The following CLPB variants were observed in gnomAD, a reference collection of about 807,000 sequenced individuals.
The protein encoded by CLPB is mitochondrial disaggregase.
In CLPB, 40 loss-of-function variants were observed where a neutral mutation model predicts 78.4. That is an observed-to-expected ratio of 0.51 (90% confidence interval 0.40 to 0.66). The LOEUF (loss-of-function observed/expected upper bound fraction) is 0.66. CLPB is among the 30% of genes least tolerant of loss of function. The probability of loss-of-function intolerance (pLI) is 0.00; values close to 1 mark genes in which losing one functional copy is unlikely to be tolerated. For synonymous variants in CLPB, 333 were observed against 348.0 expected (o/e 0.96, Z 0.48); for missense variants, 780 against 886.9 (o/e 0.88, Z 1.53).
intron 5 of CLPB, chr11:72,352,723 T>G (rs1415022735): frequency 6.6e-6 from 1 of 152,254 alleles, no homozygotes; most frequent in African/African-American, 2.4e-5. Context: ...TGTGAGTTAC[T>G]TAAGTGCAAA....
chr11:72,297,702 T>TGTGTGTGA lies in CLPB; in HGVS notation c.1330-2055_1330-2054insTCACACAC, dbSNP rs1464583884. 2.3e-3 allele frequency among the ~76,000 whole-genome samples: 295 copies of TGTGTGTGA among 129,746 alleles called. 26 individuals are homozygous for TGTGTGTGA. The highest frequency in any genetic ancestry group is 4.9e-3 in the East Asian group (21 of 4,266). The allele number at this position is 129,746 out of a possible 152,430, so 85.1% of individuals were successfully genotyped here. ...GTGTGTGTGTGTGTGTGTGTGTGTG[T>TGTGTGTGA]GACATGTCCAAGCATGTGCATATGA... On this transcript the variant is annotated intron_variant, in intron 11 of 15. Coordinates refer to ENST00000538039, the MANE Select transcript of CLPB (RefSeq NM_001258392.3).
intron 11 of CLPB, among the ~76,000 whole-genome samples, chr11:72,301,032 T>C (rs1228074543): frequency 6.6e-6 from 1 of 152,220 alleles, no homozygotes; most frequent in Non-Finnish European, 1.5e-5. Flanking sequence ...GCATGTCTTT[T>C]ATAACCTCTC....
Position 72,294,434 on chromosome 11 carries a change from C to T in CLPB, c.1571G>A (p.Arg524Gln), listed in dbSNP as rs576652298. The change falls in exon 14 of 16, where the codon CGG becomes CAG. Residue 524 changes from arginine (R) to glutamine (Q), a missense_variant. Physicochemically the swap from Arg to Gln is conservative, Grantham distance 43. Transcript: ENST00000538039. ...VIRPILKAHF[R>Q]RDEFLGRINE... ...GATCCGTCCCAGAAACTCATCCCTC[C>T]GGAAGTGAGCCTGAAGGGCCAGGTT... The T allele has an allele frequency of 2.7e-4, 430 of 1,614,148 alleles. 4 individuals are homozygous for T. In the South Asian group the frequency reaches 3.8e-3, roughly 14 times the overall value.
rs1042741470 is a variant in CLPB at position 72,317,140 on chromosome 11, A to G, written c.954T>C (p.Ile318=). 3 of 1,612,224 alleles carry G rather than the reference A, an allele frequency of 1.9e-6. No individual in the cohort carries two copies. The change falls in exon 7 of 16, where the codon ATT becomes ATC. Residue 318 remains isoleucine, a synonymous_variant. Coordinates refer to ENST00000538039, the MANE Select transcript of CLPB (RefSeq NM_001258392.3). The part of the protein sequence containing the change: ...PLEQRLKEHI[I]GQESAIATVG... ...CTGTGGCGATGGCGCTCTCCTGGCCAATGATGTGCTCCTTTAGTCGCTGCT... is the reference window on the plus strand; with the variant it reads ...CTGTGGCGATGGCGCTCTCCTGGCCGATGATGTGCTCCTTTAGTCGCTGCT...
At chr11:72,373,252 A>G (rs974240970) in intron 4 of CLPB, among the ~76,000 whole-genome samples, 2 of 152,188 alleles carry the variant, frequency 1.3e-5, no homozygotes, top group African/African-American at 2.4e-5. Context: ...TATTGTTTTA[A>G]TTGTACATAT....
intron 2 of CLPB, among the ~76,000 whole-genome samples, chr11:72,423,084 T>C (rs1856258968): frequency 6.6e-6 from 1 of 152,230 alleles, no homozygotes; most frequent in South Asian, 2.1e-4. Context: ...TGGGCTAGTA[T>C]GAAGTTCTTT....
chr11:72,329,484 C>A (rs1950184071), intron 6 of CLPB, among the ~76,000 whole-genome samples: 1 of 152,164 alleles, frequency 6.6e-6, no homozygotes, highest in South Asian at 2.1e-4. Flanking sequence ...GCTCCCTGGT[C>A]ATGATAGGGG....
At chr11:72,341,105 C>A (rs61893849) in intron 5 of CLPB, among the ~76,000 whole-genome samples, 3 of 152,190 alleles carry the variant, frequency 2.0e-5, no homozygotes, top group Admixed American at 6.5e-5. Context: ...CAGGCGTGAG[C>A]CACCGCGCCT....
rs907551428 is a variant in CLPB, at chr11:72,302,233, T to C, written c.1167+71A>G. On this transcript the variant is annotated intron_variant, in intron 10 of 15. Transcript: ENST00000538039. ...CTGCTGGAATTATCTGAGGCCCAAA[T>C]GACAAGACCCCGGCAGTCATGCTGA... The C allele has an allele frequency of 1.1e-5, 16 of 1,502,326 alleles. No individual in the cohort carries two copies. The Admixed American group carries it at 1.2e-4, about 11-fold the overall frequency. The allele number at this position is 1,502,326 out of a possible 1,614,324, so 93.1% of individuals were successfully genotyped here.
At chr11:72,413,087 G>A (rs897380064) in intron 2 of CLPB, among the ~76,000 whole-genome samples, 2 of 152,004 alleles carry the variant, frequency 1.3e-5, no homozygotes, top group Admixed American at 6.5e-5. Context: ...TCGGGAGTTC[G>A]AGACCAGCCT....
chr11:72,294,104 G>A lies in CLPB; in HGVS notation c.1703C>T (p.Thr568Met), dbSNP rs755613972. 18 of 1,614,150 alleles carry A rather than the reference G, an allele frequency of 1.1e-5. No homozygotes were observed. Among genetic ancestry groups the A allele is most frequent in the South Asian group, 5.5e-5 (5 of 91,070 alleles). The change falls in exon 15 of 16, where the codon ACG (threonine) becomes ATG (methionine). Residue 568 changes from threonine to methionine, a missense_variant. Coordinates refer to ENST00000538039, the MANE Select transcript of CLPB (RefSeq NM_001258392.3). ...AKRAKQRHNI[T>M]LLWDREVADV... is the part of the protein sequence containing the mutation. ...TGCCACCTCGCGGTCCCAGAGCAGC[G>A]TGATGTTGTGCCTTTGCTTGGCCTG...
At chr11:72,356,541 G>A (rs1318584705) in intron 5 of CLPB, among the ~76,000 whole-genome samples, 1 of 152,176 alleles carries the variant, frequency 6.6e-6, no homozygotes, top group East Asian at 1.9e-4. Flanking sequence ...TCAGGGTTGG[G>A]AGGGAGAAAT....
At position 72,294,604 on chromosome 11, in the gene CLPB, A is replaced by G; in HGVS notation, c.1560+16T>C. 2 of 1,613,486 alleles carry G rather than the reference A, an allele frequency of 1.2e-6. No individual in the cohort carries two copies. Among genetic ancestry groups the G allele is most frequent in the Non-Finnish European group, 1.7e-6 (2 of 1,179,344 alleles). On this transcript the variant is annotated intron_variant, in intron 13 of 15. Transcript: ENST00000538039. ...ACCTTAGGCTCCAGCAGGAAGTGCCAAGAAAGACCTCTTACTTTCAGGATA... is the reference window on the plus strand; with the variant it reads ...ACCTTAGGCTCCAGCAGGAAGTGCCGAGAAAGACCTCTTACTTTCAGGATA...
chr11:72,419,028 C>T (rs1321149263), intron 2 of CLPB, among the ~76,000 whole-genome samples: 1 of 152,082 alleles, frequency 6.6e-6, no homozygotes, highest in African/African-American at 2.4e-5. Context: ...AGTTCAGAAA[C>T]TGAAATTTTC....
chr11:72,293,746 T>G (rs554191734), intron 15 of CLPB, 131 bp from the exon 16 acceptor site: 2 of 1,152,722 alleles, frequency 1.7e-6, no homozygotes, highest in Non-Finnish European at 2.4e-6. Flanking sequence ...CATTTGCCAA[T>G]TGGGGCTAAT....
intron 2 of CLPB, among the ~76,000 whole-genome samples, chr11:72,416,180 C>A (rs1015289234): frequency 3.9e-5 from 6 of 152,190 alleles, no homozygotes; most frequent in South Asian, 2.1e-4. Flanking sequence ...TTTTCTACTA[C>A]TAATTACAAA....
At chr11:72,358,604 G>A (rs1276213021) in intron 5 of CLPB, among the ~76,000 whole-genome samples, 1 of 152,124 alleles carries the variant, frequency 6.6e-6, no homozygotes, top group African/African-American at 2.4e-5. Context: ...AGGATGACAT[G>A]GTGTATCACA....
intron 3 of CLPB, among the ~76,000 whole-genome samples, chr11:72,396,997 C>T (rs938383397): frequency 2.0e-5 from 3 of 152,168 alleles, no homozygotes; most frequent in Non-Finnish European, 4.4e-5. Context: ...TAATTATATA[C>T]ATTCATGTAA....
chr11:72,398,511 C>T (rs1175655921), intron 3 of CLPB, among the ~76,000 whole-genome samples: 1 of 151,978 alleles, frequency 6.6e-6, no homozygotes, highest in Non-Finnish European at 1.5e-5. Context: ...CATCAAAGTG[C>T]CTTCCACCGT....
Sources: allele counts gnomAD v4.1 joint callset (sites outside exome capture counted in the v4.1 genomes callset), GRCh38; gene constraint gnomAD v4.1.1; transcripts MANE v1.5; gene names NCBI Gene and HGNC (gene_info 2026-07-23, HGNC 2026-07-21).